Variants in DOCK2 observed in about 807,000 individuals in gnomAD.
DOCK2 encodes the protein dedicator of cytokinesis protein 2.
DOCK2 carries 87 observed loss-of-function variants against 248.9 expected under a neutral mutation model. The ratio of observed to expected loss-of-function variants is 0.35; its 90% confidence interval spans 0.29 to 0.42. The LOEUF (loss-of-function observed/expected upper bound fraction) is 0.42. Ranked by LOEUF, DOCK2 falls within the 10% of genes least tolerant of loss-of-function variation. DOCK2 has a pLI of 1.00. For missense variants in DOCK2, 1,747 were observed against 2,300.2 expected (o/e 0.76, Z 4.92); for synonymous variants, 805 against 821.6 (o/e 0.98, Z 0.35).
At chr5:169,692,341 C>G (rs910365522) in intron 9 of DOCK2, among the ~76,000 whole-genome samples, 1 of 152,194 alleles carries the variant, frequency 6.6e-6, no homozygotes, top group African/African-American at 2.4e-5. Flanking sequence ...TTCCATTGCC[C>G]TGCTTCCCCA....
At chr5:169,735,704 A>G (rs73318286) in intron 22 of DOCK2, among the ~76,000 whole-genome samples, 20,863 of 152,200 alleles carry the variant, frequency 0.14, 2,588 homozygotes, top group Admixed American at 0.29. Context: ...TGAATAACTT[A>G]TCTTATGGAG....
intron 34 of DOCK2, among the ~76,000 whole-genome samples, chr5:170,030,457 T>C (rs1328391441): frequency 6.6e-6 from 1 of 152,200 alleles, no homozygotes; most frequent in East Asian, 1.9e-4. Flanking sequence ...AGAGTTTTTG[T>C]TGGGAGTCTA....
At chr5:169,846,094 T>C (rs1581276044) in intron 27 of DOCK2, among the ~76,000 whole-genome samples, 1 of 152,304 alleles carries the variant, frequency 6.6e-6, no homozygotes, top group South Asian at 2.1e-4. Context: ...CCAGATGTGA[T>C]TTTTTTGGTT....
intron 25 of DOCK2, among the ~76,000 whole-genome samples, chr5:169,772,449 AAAC>A (rs1765142159): frequency 6.6e-6 from 1 of 152,218 alleles, no homozygotes; most frequent in African/African-American, 2.4e-5. Flanking sequence ...ATCATAGTAA[AAAC>A]AACATCAGCA....
intron 33 of DOCK2, among the ~76,000 whole-genome samples, chr5:170,027,435 T>C (rs960217609): frequency 6.6e-6 from 1 of 152,234 alleles, no homozygotes; most frequent in East Asian, 1.9e-4. Flanking sequence ...TGGCATTCCC[T>C]GAAGATTCTG....
In DOCK2 at chr5:169,933,530, T is replaced by C. The variant is rs571681760; in HGVS notation, c.2800-49538T>C. On this transcript the variant is annotated intron_variant, in intron 27 of 51. Coordinates refer to ENST00000520908, the MANE Select transcript of DOCK2 (RefSeq NM_004946.3). ...TGTGTTTTGTTGTTAATATTGATAC[T>C]GCATTCACCTGGGGAAGGAGGCTGC... Among the ~76,000 whole-genome samples, 205 of 152,386 alleles carry C rather than the reference T, an allele frequency of 1.3e-3. 2 individuals carry two copies. The South Asian group carries it at 0.041, about 30-fold the overall frequency.
At chr5:169,778,824 G>GAATA (rs1253607535) in intron 25 of DOCK2, among the ~76,000 whole-genome samples, 1 of 152,158 alleles carries the variant, frequency 6.6e-6, no homozygotes, top group Admixed American at 6.5e-5. Flanking sequence ...CTGCTTCTTA[G>GAATA]AATAGCTCAC....
chr5:170,001,253 ATT>A (rs377351469), intron 30 of DOCK2, among the ~76,000 whole-genome samples: 1 of 151,656 alleles, frequency 6.6e-6, no homozygotes, highest in Non-Finnish European at 1.5e-5. Context: ...ATGCTGGTTA[ATT>A]TTTTTTTATT....
chr5:169,681,347 C>G (rs1759653471), intron 6 of DOCK2, among the ~76,000 whole-genome samples: 1 of 151,740 alleles, frequency 6.6e-6, no homozygotes, highest in South Asian at 2.1e-4. Flanking sequence ...TAGTCTTGAA[C>G]TCCTGACCTC....
At position 169,755,039 on chromosome 5, in the gene DOCK2, G is replaced by C. The variant is rs1011522513; in HGVS notation, c.2377-4666G>C. Among the ~76,000 whole-genome samples the C allele has an allele frequency of 7.2e-5, 11 of 151,922 alleles. No individual in the cohort carries two copies. The East Asian group carries it at 2.1e-3, about 29-fold the overall frequency. On this transcript the variant is annotated intron_variant, in intron 23 of 51. Coordinates refer to ENST00000520908, the MANE Select transcript of DOCK2 (RefSeq NM_004946.3). ...TGTAGCCTCTAGCTCCTGTGTTGAA[G>C]CAATCCTCTTGCCTCAGCCTCCTGA... is the stretch of plus-strand genomic sequence containing the variant.
In DOCK2 at chr5:170,008,675, T is replaced by C. The variant is rs1755159138; in HGVS notation, c.3174-13T>C. The C allele has an allele frequency of 1.2e-6, 2 of 1,613,988 alleles. No individual in the cohort carries two copies. The highest frequency in any genetic ancestry group is 1.3e-5 in the African/African-American group (1 of 74,930). ...GAGATGGTGCCTGAAGCAGAGGTTT[T>C]TGTTCCTCCTAGGTATGGGGACATG... is the stretch of plus-strand genomic sequence containing the variant. On this transcript the variant is annotated splice_polypyrimidine_tract_variant and intron_variant, in intron 31 of 51. Coordinates refer to ENST00000520908, the MANE Select transcript of DOCK2 (RefSeq NM_004946.3).
At chr5:169,883,442 A>C in intron 27 of DOCK2, 1 of 1,551,678 alleles carries the variant, frequency 6.4e-7, no homozygotes, top group Non-Finnish European at 8.7e-7. Flanking sequence ...TGCTGAGCCA[A>C]CCTTAAGTAG....
At position 169,669,268 on chromosome 5, in the gene DOCK2, T is replaced by C. The variant is rs1561583717; in HGVS notation, c.128-20T>C. On this transcript the variant is annotated intron_variant, in intron 2 of 51. Transcript: ENST00000520908. ...ACTTGTAATAAATGAGGGAACTGTT[T>C]CTTTGTTTTCTTTTTGCAGACTGGT... 1.9e-6 allele frequency: 3 copies of C among 1,612,994 alleles called. No individual in the cohort carries two copies. Among genetic ancestry groups the C allele is most frequent in the African/African-American group, 1.3e-5 (1 of 74,854 alleles).
At chr5:169,795,047 C>T (rs1367899383) in intron 25 of DOCK2, among the ~76,000 whole-genome samples, 1 of 152,210 alleles carries the variant, frequency 6.6e-6, no homozygotes, top group African/African-American at 2.4e-5. Context: ...TATACAGTAA[C>T]AGTTCCATCA....
intron 2 of DOCK2, among the ~76,000 whole-genome samples, chr5:169,657,539 T>C (rs1470030370): frequency 1.3e-5 from 2 of 152,186 alleles, no homozygotes; most frequent in Admixed American, 1.3e-4. Flanking sequence ...TTTATAAAAA[T>C]TGATATTAAA....
intron 40 of DOCK2, among the ~76,000 whole-genome samples, chr5:170,049,672 G>A (rs538556327): frequency 1.1e-4 from 17 of 152,226 alleles, no homozygotes; most frequent in Admixed American, 4.6e-4. Flanking sequence ...CCACTACCCC[G>A]TAGGTTCTAG....
intron 27 of DOCK2, among the ~76,000 whole-genome samples, chr5:169,898,249 C>T (rs917451189): frequency 6.6e-6 from 1 of 152,202 alleles, no homozygotes; most frequent in African/African-American, 2.4e-5. Flanking sequence ...CAACTGGCTG[C>T]CATGGTCTCC....
intron 46 of DOCK2, among the ~76,000 whole-genome samples, chr5:170,069,704 G>A (rs1426469873): frequency 6.6e-6 from 1 of 152,152 alleles, no homozygotes; most frequent in South Asian, 2.1e-4. Context: ...CTTTGTGTGG[G>A]TGGTTGTGAG....
At chr5:169,649,236 T>A (rs955920109) in intron 1 of DOCK2, among the ~76,000 whole-genome samples, 1 of 152,204 alleles carries the variant, frequency 6.6e-6, no homozygotes, top group African/African-American at 2.4e-5. Flanking sequence ...TAACACTTGG[T>A]GTTGGCTGAA....
Sources: gnomAD v4.1 joint callset for allele counts (sites outside exome capture counted in the v4.1 genomes callset) on GRCh38, gnomAD v4.1.1 for gene constraint, MANE v1.5 for transcripts, NCBI Gene and HGNC (gene_info 2026-07-23, HGNC 2026-07-21) for gene names.